The following NOL9 variants were observed in gnomAD, a reference collection of about 807,000 sequenced individuals.
The protein encoded by NOL9 is nucleolar protein 9.
NOL9 carries 28 observed loss-of-function variants against 67.9 expected under a neutral mutation model. That is an observed-to-expected ratio of 0.41 (90% CI 0.31 to 0.57). The LOEUF (loss-of-function observed/expected upper bound fraction) is 0.57, where lower values mean the gene tolerates loss of function less well. NOL9 is among the 20% of genes least tolerant of loss of function. The probability of loss-of-function intolerance (pLI) is 0.25; values close to 1 mark genes in which losing one functional copy is unlikely to be tolerated. For missense variants in NOL9, 777 were observed against 897.0 expected (o/e 0.87, Z 1.71); for synonymous variants, 356 against 352.2 (o/e 1.01, Z -0.12).
chr1:6,540,566 C>A (rs964409999), intron 6 of NOL9, among the ~76,000 whole-genome samples: 29 of 152,142 alleles, frequency 1.9e-4, no homozygotes, highest in African/African-American at 7.0e-4. Flanking sequence ...GTGGCTCATG[C>A]CTACAATCCC....
intron 6 of NOL9, among the ~76,000 whole-genome samples, chr1:6,538,540 CG>C (rs1639206065): frequency 6.6e-6 from 1 of 150,666 alleles, no homozygotes; most frequent in African/African-American, 2.4e-5. Flanking sequence ...GGCATGGTGG[CG>C]GGCATCTATA....
At chr1:6,539,203 T>C (rs918692873) in intron 6 of NOL9, among the ~76,000 whole-genome samples, 6 of 152,206 alleles carry the variant, frequency 3.9e-5, no homozygotes, top group African/African-American at 1.4e-4. Context: ...GCATTGCTGC[T>C]GGGAATGTAA....
chr1:6,533,532 A>C (rs1051012155), intron 6 of NOL9, 91 bp from the exon 7 acceptor site: 3 of 943,468 alleles, frequency 3.2e-6, no homozygotes, highest in South Asian at 2.4e-5. Context: ...TTCAGCCGTT[A>C]TCACTGACAA....
chr1:6,543,666 CTGT>C (rs888974996), intron 5 of NOL9, among the ~76,000 whole-genome samples: 7 of 152,136 alleles, frequency 4.6e-5, no homozygotes, highest in African/African-American at 1.4e-4. Flanking sequence ...TAACCCACCT[CTGT>C]TGTTGTTGTA....
chr1:6,550,635 G>T lies in NOL9; in HGVS notation c.397-20C>A, dbSNP rs1394426727. The T allele has an allele frequency of 2.2e-6, 3 of 1,376,172 alleles. No homozygotes were observed. The East Asian group carries it at 7.3e-5, about 34-fold the overall frequency. The allele number at this position is 1,376,172 out of a possible 1,614,324, so 85.2% of individuals were successfully genotyped here. ...AAAACCCTAGCAGGGAGAGAAAACA[G>T]AAAAAACATTATAGATCATGTCACT... On this transcript the variant is annotated intron_variant, in intron 1 of 11. Coordinates refer to ENST00000377705, the MANE Select transcript of NOL9 (RefSeq NM_024654.5).
chr1:6,547,044 T>G (rs564340294), intron 3 of NOL9, among the ~76,000 whole-genome samples: 3 of 152,332 alleles, frequency 2.0e-5, no homozygotes, highest in Admixed American at 6.5e-5. Context: ...CATCACACAC[T>G]GGGTTTTCCA....
intron 10 of NOL9, among the ~76,000 whole-genome samples, chr1:6,527,099 T>C (rs1445705017): frequency 1.3e-5 from 2 of 151,716 alleles, no homozygotes; most frequent in South Asian, 4.2e-4. Context: ...TACAAAAAAT[T>C]AGCCGGGCGT....
chr1:6,554,017 C>T, intron 1 of NOL9, 90 bp downstream of exon 1: 1 of 1,112,220 alleles, frequency 9.0e-7, no homozygotes, highest in Non-Finnish European at 1.2e-6. Context: ...GCCCGGGGGA[C>T]CACGGTCCTC....
chr1:6,530,810 G>A (rs1639007569), intron 9 of NOL9, among the ~76,000 whole-genome samples: 1 of 152,234 alleles, frequency 6.6e-6, no homozygotes, highest in Non-Finnish European at 1.5e-5. Context: ...TCCATGCTTC[G>A]CAGAGTGCCT....
intron 3 of NOL9, among the ~76,000 whole-genome samples, chr1:6,547,562 C>A (rs1248869675): frequency 6.6e-6 from 1 of 151,348 alleles, no homozygotes; most frequent in Non-Finnish European, 1.5e-5. Context: ...ATACGGTCAG[C>A]AAAAATTTAG....
intron 6 of NOL9, among the ~76,000 whole-genome samples, chr1:6,539,403 T>C (rs1639226058): frequency 6.6e-6 from 1 of 152,254 alleles, no homozygotes. Flanking sequence ...AGAAGCCAAG[T>C]GTCCCTTAAC....
At chr1:6,529,227 A>C in intron 9 of NOL9, 56 bp from the exon 10 acceptor site, 2 of 1,479,436 alleles carry the variant, frequency 1.4e-6, no homozygotes, top group Non-Finnish European at 1.9e-6. Context: ...AGACCACTTA[A>C]TTTCTACAAC....
intron 6 of NOL9, among the ~76,000 whole-genome samples, chr1:6,537,528 G>A (rs1639180798): frequency 6.6e-6 from 1 of 152,022 alleles, no homozygotes. Context: ...TCAACAGCAA[G>A]AAAACAAATA....
At chr1:6,536,370 A>T (rs947105406) in intron 6 of NOL9, among the ~76,000 whole-genome samples, 1 of 151,760 alleles carries the variant, frequency 6.6e-6, no homozygotes, top group Non-Finnish European at 1.5e-5. Context: ...AAAATAAAAT[A>T]AAAAAATAAA....
At chr1:6,533,240 T>C (rs776529217) in intron 7 of NOL9, 40 bp downstream of exon 7, 19 of 1,536,084 alleles carry the variant, frequency 1.2e-5, no homozygotes, top group Non-Finnish European at 1.1e-5. Context: ...GTACTCACAC[T>C]GCCTGTCCTT....
chr1:6,549,779 T>C, intron 2 of NOL9, 81 bp from the exon 3 acceptor site: 2 of 1,543,490 alleles, frequency 1.3e-6, no homozygotes, highest in East Asian at 2.3e-5. Flanking sequence ...TCTCCTCGGC[T>C]AAACTATAAA....
intron 3 of NOL9, among the ~76,000 whole-genome samples, chr1:6,546,370 G>C (rs1293427516): frequency 6.6e-6 from 1 of 152,164 alleles, no homozygotes; most frequent in Non-Finnish European, 1.5e-5. Flanking sequence ...TCCTGGTCCA[G>C]CTACTGGACT....
At chr1:6,534,926 C>T (rs2148653883) in intron 6 of NOL9, among the ~76,000 whole-genome samples, 1 of 152,292 alleles carries the variant, frequency 6.6e-6, no homozygotes, top group East Asian at 1.9e-4. Flanking sequence ...GCCTCAGCCT[C>T]CCAAGTAGCT....
At chr1:6,530,012 G>A (rs1334322400) in intron 9 of NOL9, among the ~76,000 whole-genome samples, 2 of 152,190 alleles carry the variant, frequency 1.3e-5, no homozygotes, top group Non-Finnish European at 2.9e-5. Context: ...TTAGCTACTT[G>A]GGAGGCTGAG....
Sources: allele counts gnomAD v4.1 joint callset (sites outside exome capture counted in the v4.1 genomes callset), GRCh38; gene constraint gnomAD v4.1.1; transcripts MANE v1.5; gene names NCBI Gene and HGNC (gene_info 2026-07-23, HGNC 2026-07-21).